The following POLG variants were observed in gnomAD, a reference collection of about 807,000 sequenced individuals.
The protein encoded by POLG is DNA polymerase subunit gamma-1.
A neutral mutation model predicts 155.4 loss-of-function variants in POLG; 110 were observed. The observed-to-expected ratio is 0.71, with a 90% CI of 0.61 to 0.83. The LOEUF (loss-of-function observed/expected upper bound fraction) is 0.83, where lower values mean the gene tolerates loss of function less well. Among genes scored for constraint, POLG ranks in the 40% least tolerant of loss-of-function variants. POLG has a pLI of 0.00. For missense variants in POLG, 1,685 were observed against 1,627.5 expected, an observed-to-expected ratio of 1.04 and a Z score of -0.61; for synonymous variants, 701 against 631.5, an observed-to-expected ratio of 1.11 and a Z score of -1.65.
chr15:89,321,935 T>A (rs903022471), intron 15 of POLG, 27 bp downstream of exon 15: 11 of 1,613,000 alleles, frequency 6.8e-6, no homozygotes, highest in Non-Finnish European at 8.5e-6. Context: ...AGTTCTCCTA[T>A]CCCTACAACC....
At chr15:89,329,531 G>T (rs773353801) in intron 3 of POLG, among the ~76,000 whole-genome samples, 20 of 152,214 alleles carry the variant, frequency 1.3e-4, no homozygotes, top group Admixed American at 4.6e-4. Context: ...CAGCTATAGG[G>T]TAAGGTTGCT....
chr15:89,318,715 C>G lies in POLG; in HGVS notation c.3308G>C (p.Ser1103Thr). The change falls in exon 21 of 23, where the codon AGC becomes ACC. Residue 1103 changes from serine (S) to threonine (T), a missense_variant. Transcript: ENST00000268124. ...MTSRVNWVVQ[S>T]SAVDYLHLML... ...GAGGTGTAAGTAGTCAACAGCAGAG[C>G]TCTGTACCACCCAATTCACACGGCT... 6.2e-7 allele frequency: 1 copy of G among 1,614,206 alleles called. No homozygotes were observed. Among genetic ancestry groups the G allele is most frequent in the Non-Finnish European group, 8.5e-7 (1 of 1,180,026 alleles).
chr15:89,327,428 G>A, intron 6 of POLG, 79 bp from the exon 7 acceptor site: 1 of 1,344,486 alleles, frequency 7.4e-7, no homozygotes, highest in Non-Finnish European at 1.0e-6. Context: ...GGTTTAGCAA[G>A]CCTCAACCCA....
At chr15:89,322,952 G>C (rs765538917) in intron 13 of POLG, 50 bp from the exon 14 acceptor site, 1 of 1,588,308 alleles carries the variant, frequency 6.3e-7, no homozygotes, top group South Asian at 1.1e-5. Flanking sequence ...CAGACCCCTG[G>C]GTGGGGAACC....
intron 3 of POLG, among the ~76,000 whole-genome samples, chr15:89,329,855 G>T (rs1322131566): frequency 6.6e-6 from 1 of 152,178 alleles, no homozygotes; most frequent in South Asian, 2.1e-4. Flanking sequence ...AGAGACGAAG[G>T]CCATTATTAC....
Position 89,317,360 on chromosome 15 carries a change from A to C in POLG, c.3643+16T>G. 1 of 1,613,500 alleles carries C rather than the reference A, an allele frequency of 6.2e-7. No homozygotes were observed. ...CAGATCCTATGTGTAATGAGGAACA[A>C]ATGTGTTGTGCTCACCCTGGGGAAT... is the stretch of plus-strand genomic sequence containing the variant. On this transcript the variant is annotated intron_variant, in intron 22 of 22. Coordinates refer to ENST00000268124, the MANE Select transcript of POLG (RefSeq NM_002693.3).
chr15:89,330,519 G>A (rs2055580314), intron 2 of POLG, among the ~76,000 whole-genome samples: 2 of 152,158 alleles, frequency 1.3e-5, no homozygotes, highest in Admixed American at 1.3e-4. Context: ...TGGAACTACT[G>A]GGCTATTAGA....
At chr15:89,320,450 G>A (rs934217520) in intron 18 of POLG, among the ~76,000 whole-genome samples, 1 of 152,168 alleles carries the variant, frequency 6.6e-6, no homozygotes, top group African/African-American at 2.4e-5. Flanking sequence ...ATTCCCTGTA[G>A]GCATCTGAGT....
rs1365039710 is a variant in POLG at position 89,323,453 on chromosome 15, T to A, written c.2216A>T (p.Tyr739Phe). The A allele has an allele frequency of 3.1e-6, 5 of 1,613,960 alleles. No homozygotes were observed. The highest frequency in any genetic ancestry group is 4.2e-6 in the Non-Finnish European group (5 of 1,179,948). The change falls in exon 13 of 23, where the codon TAC (tyrosine) becomes TTC (phenylalanine). Residue 739 changes from tyrosine (Y) to phenylalanine (F), a missense_variant. This residue lies in a region of POLG where 1,210 missense variants were observed against 1,167.1 expected (regional missense o/e 1.04). Transcript: ENST00000268124. Reference sequence around the variant, plus strand: ...GCAGCCAGGGATGTCCACGTCGTTGTAAGGTCCATTGCCATGGTGATAGCT... The same window carrying A: ...GCAGCCAGGGATGTCCACGTCGTTGAAAGGTCCATTGCCATGGTGATAGCT... Reference protein sequence around the residue: ...QPSYHHGNGPYNDVDIPGCWF... With the variant: ...QPSYHHGNGPFNDVDIPGCWF...
intron 11 of POLG, 93 bp from the exon 12 acceptor site, chr15:89,323,994 G>T: frequency 6.4e-7 from 1 of 1,554,506 alleles, no homozygotes; most frequent in Non-Finnish European, 8.9e-7. Flanking sequence ...GACACTGCAG[G>T]CCAGTCTGGG....
intron 2 of POLG, among the ~76,000 whole-genome samples, chr15:89,331,423 C>T (rs1025079961): frequency 1.3e-5 from 2 of 152,176 alleles, no homozygotes; most frequent in Non-Finnish European, 1.5e-5. Flanking sequence ...AAAAGCCACA[C>T]TGGTGTCAAG....
rs754245040 is a variant in POLG at position 89,325,517 on chromosome 15, G to A, written c.1882C>T (p.Arg628Trp). 1.7e-5 allele frequency: 28 copies of A among 1,611,394 alleles called. No individual in the cohort carries two copies. In the East Asian group the frequency reaches 3.1e-4, roughly 18 times the overall value. The change falls in exon 10 of 23, where the codon CGG becomes TGG. Residue 628 changes from arginine (R) to tryptophan (W), a missense_variant. This residue lies in a region of POLG where 1,210 missense variants were observed against 1,167.1 expected (regional missense o/e 1.04). Coordinates refer to ENST00000268124, the MANE Select transcript of POLG (RefSeq NM_002693.3). ...HGWGYLVPGRRDNLAKLPTGT... is the reference protein window; with the variant it reads ...HGWGYLVPGRWDNLAKLPTGT... ...GTCGGCAGCTTGGCCAGGTTGTCCCGCCGCCCAGGCACCAAGTAGCCCCAG... is the reference window on the plus strand; with the variant it reads ...GTCGGCAGCTTGGCCAGGTTGTCCCACCGCCCAGGCACCAAGTAGCCCCAG...
rs760641207 is a variant in POLG, at chr15:89,321,846, C to A, written c.2488G>T (p.Asp830Tyr). The stretch of plus-strand genomic sequence containing the variant: ...CCATAGAGGCCTTCCTCATCATAGT[C>A]GGGGTGCCTGGTGGGGTGCAGGGGA... ...ALPRAVIRHP[D>Y]YDEEGLYGAI... The change falls in exon 16 of 23, where the codon GAC becomes TAC. Residue 830 changes from aspartate (D) to tyrosine (Y), a missense_variant. Around this residue, in one of 3 missense-constraint regions of POLG, gnomAD observed 1,210 missense variants for 1,167.1 expected, o/e 1.04. Transcript: ENST00000268124. 1.9e-6 allele frequency: 3 copies of A among 1,613,628 alleles called. No individual in the cohort carries two copies. Among genetic ancestry groups the A allele is most frequent in the African/African-American group, 2.7e-5 (2 of 74,908 alleles).
intron 2 of POLG, among the ~76,000 whole-genome samples, chr15:89,330,948 C>T (rs1174072899): frequency 1.3e-5 from 2 of 152,156 alleles, no homozygotes; most frequent in African/African-American, 2.4e-5. Context: ...GTTGGGGGCC[C>T]GACACTGATT....
intron 21 of POLG, chr15:89,318,071 A>G (rs1334244076): frequency 1.1e-4 from 25 of 222,438 alleles, no homozygotes; most frequent in Non-Finnish European, 8.2e-5. Flanking sequence ...TATAAAATAT[A>G]TAAGATATTT....
chr15:89,325,121 A>G (rs1353575534), intron 10 of POLG, among the ~76,000 whole-genome samples: 2 of 67,994 alleles, frequency 2.9e-5, no homozygotes, highest in African/African-American at 9.9e-5. Context: ...AGAGTGAGTG[A>G]GTGAGTGAGA....
rs2055552484 is a variant in POLG at position 89,328,525 on chromosome 15, T to C, written c.1181A>G (p.Gln394Arg). The C allele has an allele frequency of 6.2e-7, 1 of 1,613,710 alleles. No homozygotes were observed. Among genetic ancestry groups the C allele is most frequent in the African/African-American group, 1.3e-5 (1 of 74,920 alleles). ...DIRENFQDLM[Q>R]YCAQDVWATH... ...GGCCCACACGTCCTGGGCACAGTAC[T>C]GCATCAGGTCCTGGCACAAGGTGAC... The change falls in exon 6 of 23, where the codon CAG becomes CGG. Residue 394 changes from glutamine (Q) to arginine (R), a missense_variant. Coordinates refer to ENST00000268124, the MANE Select transcript of POLG (RefSeq NM_002693.3).
intron 18 of POLG, 75 bp downstream of exon 18, chr15:89,320,691 A>C: frequency 1.3e-6 from 2 of 1,533,474 alleles, no homozygotes; most frequent in Non-Finnish European, 1.8e-6. Flanking sequence ...GAGATAGAAC[A>C]GATGGTAGTA....
chr15:89,322,159 G>T, intron 14 of POLG, 144 bp from the exon 15 acceptor site: 4 of 816,570 alleles, frequency 4.9e-6, no homozygotes. Flanking sequence ...GGTGAGCCCT[G>T]GCTCAGCCAA....
Sources: gnomAD v4.1 joint callset for allele counts (sites outside exome capture counted in the v4.1 genomes callset) on GRCh38, gnomAD v4.1.1 for gene constraint, gnomAD v4.1.1 regional missense constraint, MANE v1.5 for transcripts, NCBI Gene and HGNC (gene_info 2026-07-23, HGNC 2026-07-21) for gene names.